DPP10: variants seen among roughly 807,000 people sequenced by gnomAD.
The protein encoded by DPP10 is inactive dipeptidyl peptidase 10.
Under a neutral mutation model 120.9 loss-of-function variants are expected in DPP10, and 33 were observed. That is an observed-to-expected ratio of 0.27 (90% CI 0.21 to 0.37). The LOEUF is 0.37. Ranked by LOEUF, DPP10 falls within the 10% of genes least tolerant of loss-of-function variation. DPP10 has a pLI of 1.00. For missense variants in DPP10, 816 were observed against 942.8 expected, an observed-to-expected ratio of 0.87 and a Z score of 1.76; for synonymous variants, 337 against 326.1, an observed-to-expected ratio of 1.03 and a Z score of -0.36.
At chr2:114,845,941 T>C (rs1258054529) in intron 1 of DPP10, among the ~76,000 whole-genome samples, 1 of 152,108 alleles carries the variant, frequency 6.6e-6, no homozygotes, top group Admixed American at 6.6e-5. Context: ...GGGAGTTATG[T>C]GCTATTTAGT....
intron 2 of DPP10, among the ~76,000 whole-genome samples, chr2:115,316,126 G>A (rs552922399): frequency 1.3e-5 from 2 of 152,214 alleles, no homozygotes; most frequent in East Asian, 3.9e-4. Context: ...GCCAGATGTT[G>A]TACTAAGTGC....
At chr2:114,705,569 A>C (rs1168928817) in intron 1 of DPP10, among the ~76,000 whole-genome samples, 1 of 152,146 alleles carries the variant, frequency 6.6e-6, no homozygotes, top group Non-Finnish European at 1.5e-5. Context: ...AATGGAAAAC[A>C]CCAATATATC....
chr2:114,629,541 T>C (rs1694764820), intron 1 of DPP10, among the ~76,000 whole-genome samples: 1 of 152,192 alleles, frequency 6.6e-6, no homozygotes, highest in South Asian at 2.1e-4. Context: ...AGTTTGCCTT[T>C]ATTAATAATA....
chr2:115,386,030 T>C (rs191568488), intron 3 of DPP10, among the ~76,000 whole-genome samples: 2 of 152,226 alleles, frequency 1.3e-5, no homozygotes, highest in Non-Finnish European at 2.9e-5. Flanking sequence ...ATTAAATTTA[T>C]TTTTAAGTGT....
chr2:115,047,350 A>G (rs1211877936), intron 1 of DPP10, among the ~76,000 whole-genome samples: 1 of 152,028 alleles, frequency 6.6e-6, no homozygotes, highest in African/African-American at 2.4e-5. Flanking sequence ...CTCTTTGCCA[A>G]CAATACTAAA....
At chr2:115,534,115 T>C (rs566775098) in intron 5 of DPP10, among the ~76,000 whole-genome samples, 1 of 152,142 alleles carries the variant, frequency 6.6e-6, no homozygotes, top group East Asian at 1.9e-4. Flanking sequence ...TTTTTATTTT[T>C]TTTTATTATT....
At chr2:115,017,606 A>T (rs1420414242) in intron 1 of DPP10, among the ~76,000 whole-genome samples, 1 of 152,182 alleles carries the variant, frequency 6.6e-6, no homozygotes. Context: ...ACCAACGCAA[A>T]CGTCCAACAG....
intron 1 of DPP10, among the ~76,000 whole-genome samples, chr2:114,563,639 G>T (rs1688948264): frequency 6.6e-6 from 1 of 152,294 alleles, no homozygotes; most frequent in African/African-American, 2.4e-5. Flanking sequence ...GCCACAAAAT[G>T]ATTAAGATGA....
chr2:115,138,045 T>C (rs1228523102), intron 1 of DPP10, among the ~76,000 whole-genome samples: 3 of 152,184 alleles, frequency 2.0e-5, no homozygotes, highest in Non-Finnish European at 4.4e-5. Flanking sequence ...TGTATTAAGA[T>C]GAATATTACA....
intron 1 of DPP10, among the ~76,000 whole-genome samples, chr2:115,205,612 G>C (rs1207706033): frequency 6.6e-6 from 1 of 152,066 alleles, no homozygotes; most frequent in Non-Finnish European, 1.5e-5. Flanking sequence ...TAATTCCAAA[G>C]ACATGGAATT....
intron 8 of DPP10, among the ~76,000 whole-genome samples, chr2:115,737,385 G>C (rs534566025): frequency 6.6e-6 from 1 of 152,226 alleles, no homozygotes; most frequent in South Asian, 2.1e-4. Context: ...ATACTCACTT[G>C]GTATCCCATG....
chr2:114,753,648 G>A (rs1348063809), intron 1 of DPP10, among the ~76,000 whole-genome samples: 1 of 152,072 alleles, frequency 6.6e-6, no homozygotes, highest in Non-Finnish European at 1.5e-5. Flanking sequence ...GGTGGCTCAC[G>A]CCTGTAATCC....
chr2:114,757,232 A>G (rs1679844337), intron 1 of DPP10, among the ~76,000 whole-genome samples: 1 of 145,560 alleles, frequency 6.9e-6, no homozygotes, highest in Non-Finnish European at 1.5e-5. Context: ...GGTGGGGAAG[A>G]GGGAGGAAGG....
intron 5 of DPP10, among the ~76,000 whole-genome samples, chr2:115,573,807 G>A (rs1007496971): frequency 3.9e-5 from 6 of 152,008 alleles, no homozygotes; most frequent in Admixed American, 6.5e-5. Context: ...TGCCCGCCTT[G>A]ACCTCTCAAA....
intron 1 of DPP10, among the ~76,000 whole-genome samples, chr2:115,067,954 T>A (rs1707058282): frequency 6.6e-6 from 1 of 151,784 alleles, no homozygotes; most frequent in Non-Finnish European, 1.5e-5. Context: ...TCTGTGTATT[T>A]TCTTTGTCTA....
At chr2:114,931,651 G>A (rs955667159) in intron 1 of DPP10, among the ~76,000 whole-genome samples, 1 of 152,222 alleles carries the variant, frequency 6.6e-6, no homozygotes, top group Non-Finnish European at 1.5e-5. Flanking sequence ...GGCAAAGAGT[G>A]TGTATGATTG....
At chr2:114,504,191 A>G (rs1190394972) in intron 1 of DPP10, among the ~76,000 whole-genome samples, 3 of 152,174 alleles carry the variant, frequency 2.0e-5, no homozygotes, top group Non-Finnish European at 2.9e-5. Flanking sequence ...GTTGACATAC[A>G]CAGGATTCTT....
intron 1 of DPP10, among the ~76,000 whole-genome samples, chr2:114,498,491 A>C (rs1264784737): frequency 6.6e-6 from 1 of 152,216 alleles, no homozygotes; most frequent in African/African-American, 2.4e-5. Flanking sequence ...AGAATACCAC[A>C]AACTACGTAA....
chr2:115,484,139 AC>A (rs56216018), intron 3 of DPP10, among the ~76,000 whole-genome samples: 125,618 of 143,686 alleles, frequency 0.87, 55,118 homozygotes, highest in Non-Finnish European at 0.97. Context: ...CCACCAGTAC[AC>A]CCCCCCCCCA....
Sources: allele counts gnomAD v4.1 joint callset (sites outside exome capture counted in the v4.1 genomes callset), GRCh38; gene constraint gnomAD v4.1.1; transcripts MANE v1.5; gene names NCBI Gene and HGNC (gene_info 2026-07-23, HGNC 2026-07-21).